The following SDK1 variants were observed in gnomAD, a reference collection of about 807,000 sequenced individuals.
The protein encoded by SDK1 is sidekick cell adhesion molecule 1, also known as protein sidekick-1.
In SDK1, 157 loss-of-function variants were observed where a neutral mutation model predicts 245.5. The observed-to-expected ratio is 0.64, with a 90% CI of 0.56 to 0.73. The LOEUF (loss-of-function observed/expected upper bound fraction) is 0.73. Among genes scored for constraint, SDK1 ranks in the 30% least tolerant of loss-of-function variants. The probability of loss-of-function intolerance (pLI) is 0.00; values close to 1 mark genes in which losing one functional copy is unlikely to be tolerated. For missense variants in SDK1, 3,583 were observed against 3,002.3 expected (o/e 1.19, Z -4.52); for synonymous variants, 1,647 against 1,278.5 (o/e 1.29, Z -6.15).
intron 1 of SDK1, among the ~76,000 whole-genome samples, chr7:3,411,978 A>G (rs936430371): frequency 1.3e-5 from 2 of 152,196 alleles, no homozygotes; most frequent in African/African-American, 2.4e-5. Flanking sequence ...CGCACAAAGA[A>G]AAGGAGATTT....
intron 32 of SDK1, among the ~76,000 whole-genome samples, chr7:4,162,979 C>T (rs575890216): frequency 6.6e-6 from 1 of 152,330 alleles, no homozygotes; most frequent in South Asian, 2.1e-4. Context: ...GAGGACTCAG[C>T]CCAGGGCCTG....
At chr7:3,670,737 T>C (rs146029027) in intron 4 of SDK1, among the ~76,000 whole-genome samples, 27 of 152,346 alleles carry the variant, frequency 1.8e-4, no homozygotes, top group African/African-American at 5.3e-4. Context: ...TACTGACTTA[T>C]CCTTCTGCAG....
At position 4,266,561 on chromosome 7, in the gene SDK1, T is replaced by C. The variant is rs374176248; in HGVS notation, c.*1177T>C. ...CCAGCTTTTAGCCTTAACAGGTTTT[T>C]TGGAAATGTTTCTTTTTTTTATTTA... On this transcript the variant is annotated 3_prime_UTR_variant, in exon 45 of 45. Coordinates refer to ENST00000404826, the MANE Select transcript of SDK1 (RefSeq NM_152744.4). The C allele has an allele frequency of 1.1e-6, 1 of 940,452 alleles. No homozygotes were observed. The highest frequency in any genetic ancestry group is 9.7e-5 in the Admixed American group (1 of 10,278). 58.3% of individuals were successfully genotyped at this position (940,452 alleles called of 1,614,324 possible).
At chr7:4,212,418 A>G (rs77192957) in intron 38 of SDK1, among the ~76,000 whole-genome samples, 1 of 140,194 alleles carries the variant, frequency 7.1e-6, no homozygotes, top group East Asian at 1.9e-4. Flanking sequence ...TCCGAGAAAG[A>G]AAAAAAAAAT....
intron 25 of SDK1, among the ~76,000 whole-genome samples, chr7:4,122,891 C>A (rs1234050109): frequency 6.6e-6 from 1 of 152,170 alleles, no homozygotes. Flanking sequence ...CAGATCTTGT[C>A]CTCGTAGGAT....
rs1470629968 is a variant in SDK1 at position 3,611,641 on chromosome 7, C to T, written c.299-7439C>T. On this transcript the variant is annotated intron_variant, in intron 1 of 44. Coordinates refer to ENST00000404826, the MANE Select transcript of SDK1 (RefSeq NM_152744.4). ...TCTTCACACTGTTTTCCATAGTGGT[C>T]GTGCTAGTTTACATTCCTAGCAGCA... Among the ~76,000 whole-genome samples, 2 of 152,230 alleles carry T rather than the reference C, an allele frequency of 1.3e-5. 1 individual carries two copies. Among genetic ancestry groups the T allele is most frequent in the East Asian group, 3.9e-4 (2 of 5,138 alleles).
At chr7:3,971,956 C>T (rs546041881) in intron 12 of SDK1, among the ~76,000 whole-genome samples, 10 of 152,008 alleles carry the variant, frequency 6.6e-5, no homozygotes, top group African/African-American at 2.2e-4. Context: ...TCTTTACTCT[C>T]GGGATAGTTT....
At chr7:4,020,029 G>C (rs1371478024) in intron 17 of SDK1, among the ~76,000 whole-genome samples, 1 of 152,134 alleles carries the variant, frequency 6.6e-6, no homozygotes, top group Non-Finnish European at 1.5e-5. Context: ...GGAAGGTCAT[G>C]TCATGCTTTT....
At position 3,625,601 on chromosome 7, in the gene SDK1, A is replaced by T. The variant is rs375060160; in HGVS notation, c.458+6362A>T. On this transcript the variant is annotated intron_variant, in intron 2 of 44. Coordinates refer to ENST00000404826, the MANE Select transcript of SDK1 (RefSeq NM_152744.4). ...TGGCTGGAGCTCAATCTTGTTTGCA[A>T]CGTCTATGGAGTCTTATGAAATGCA... Among the ~76,000 whole-genome samples, 46 of 152,318 alleles carry T rather than the reference A, an allele frequency of 3.0e-4. No individual in the cohort carries two copies. In the Middle Eastern group the frequency reaches 0.01, roughly 34 times the overall value.
intron 2 of SDK1, among the ~76,000 whole-genome samples, chr7:3,637,376 C>A (rs554925856): frequency 6.6e-6 from 1 of 152,180 alleles, no homozygotes; most frequent in African/African-American, 2.4e-5. Context: ...GGATTACAGG[C>A]AAGAGCCACC....
intron 1 of SDK1, among the ~76,000 whole-genome samples, chr7:3,344,343 G>A (rs1467054769): frequency 3.3e-5 from 5 of 152,184 alleles, no homozygotes; most frequent in South Asian, 2.1e-4. Flanking sequence ...AGTCTCCACA[G>A]CTACTTTTAT....
Position 4,145,921 on chromosome 7 carries a change from G to C in SDK1, c.4423+5G>C. Reference sequence around the variant, plus strand: ...TCATCACCACCGAGAAGAGAGGTAAGACCTTGGGGGACCCGGGGGTACTGC... The same window carrying C: ...TCATCACCACCGAGAAGAGAGGTAACACCTTGGGGGACCCGGGGGTACTGC... On this transcript the variant is annotated splice_donor_5th_base_variant and intron_variant, in intron 29 of 44. Coordinates refer to ENST00000404826, the MANE Select transcript of SDK1 (RefSeq NM_152744.4). The C allele has an allele frequency of 1.3e-6, 2 of 1,593,262 alleles. No homozygotes were observed. The highest frequency in any genetic ancestry group is 1.7e-6 in the Non-Finnish European group (2 of 1,170,166).
rs941684521 is a variant in SDK1 at position 3,650,195 on chromosome 7, G to T, written c.713+8090G>T. On this transcript the variant is annotated intron_variant, in intron 4 of 44. Transcript: ENST00000404826. ...CTCCCAGAGCGCTGGGAGTACAGGT[G>T]TGAGTCACCATCCCTGGCCTAAGAT... Among the ~76,000 whole-genome samples the T allele has an allele frequency of 6.6e-5, 10 of 152,138 alleles. No homozygotes were observed. In the South Asian group the frequency reaches 2.1e-3, roughly 32 times the overall value.
At chr7:4,082,973 A>G (rs1001734642) in intron 22 of SDK1, among the ~76,000 whole-genome samples, 1 of 151,932 alleles carries the variant, frequency 6.6e-6, no homozygotes, top group Non-Finnish European at 1.5e-5. Context: ...GATTCCCCCA[A>G]ATTTTCCAAA....
intron 4 of SDK1, among the ~76,000 whole-genome samples, chr7:3,692,882 C>G (rs1177377075): frequency 1.3e-5 from 2 of 151,900 alleles, no homozygotes; most frequent in East Asian, 3.9e-4. Context: ...AAATACATTT[C>G]TATTTTAATT....
At position 3,974,487 on chromosome 7, in the gene SDK1, A is replaced by G. The variant is rs1782747820; in HGVS notation, c.1936A>G (p.Ser646Gly). 2 of 1,614,036 alleles carry G rather than the reference A, an allele frequency of 1.2e-6. No homozygotes were observed. The highest frequency in any genetic ancestry group is 1.7e-5 in the Admixed American group (1 of 59,996). Residue 646 changes from serine to glycine, a missense_variant, in exon 13 of 45, where the codon AGC (serine) becomes GGC (glycine). Ser to Gly is a moderately conservative substitution (Grantham distance 56). Transcript: ENST00000404826. ...QTWSGDIGDY[S>G]CEIVSEGGND... ...GTGGTCAGGCGACATCGGTGACTAC[A>G]GCTGCGAGATTGTTTCTGAAGGAGG...
chr7:3,465,962 T>TTTTG (rs550192720), intron 1 of SDK1, among the ~76,000 whole-genome samples: 4 of 152,106 alleles, frequency 2.6e-5, no homozygotes, highest in Non-Finnish European at 4.4e-5. Context: ...CCATCACTCT[T>TTTTG]TTTGTTTGTT....
intron 13 of SDK1, among the ~76,000 whole-genome samples, chr7:3,978,662 A>T (rs1783155337): frequency 6.6e-6 from 1 of 152,058 alleles, no homozygotes; most frequent in Non-Finnish European, 1.5e-5. Context: ...AATAATAATA[A>T]CCCGTGATTG....
In SDK1 at chr7:3,411,923, G is replaced by A. The variant is rs532920304; in HGVS notation, c.298+110039G>A. Among the ~76,000 whole-genome samples, 32 of 152,216 alleles carry A rather than the reference G, an allele frequency of 2.1e-4. No individual in the cohort carries two copies. The South Asian group carries it at 6.4e-3, about 31-fold the overall frequency. On this transcript the variant is annotated intron_variant, in intron 1 of 44. Coordinates refer to ENST00000404826, the MANE Select transcript of SDK1 (RefSeq NM_152744.4). The stretch of plus-strand genomic sequence containing the variant: ...TGCAGGTTCTTACGGGTATTCCTAG[G>A]AAGAAGAAATGATTTCCAAACAGAA...
Sources: allele counts gnomAD v4.1 joint callset (sites outside exome capture counted in the v4.1 genomes callset), GRCh38; gene constraint gnomAD v4.1.1; transcripts MANE v1.5; gene names NCBI Gene and HGNC (gene_info 2026-07-23, HGNC 2026-07-21).